The following F2RL1 variants were observed in gnomAD, a reference collection of about 807,000 sequenced individuals.
F2RL1 encodes proteinase-activated receptor 2.
A neutral mutation model predicts 21.7 loss-of-function variants in F2RL1; 16 were observed. The observed-to-expected ratio is 0.74, with a 90% confidence interval of 0.50 to 1.12. The LOEUF is 1.12. Among genes scored for constraint, F2RL1 ranks in the 50% most tolerant of loss-of-function variants. The pLI, the probability that F2RL1 is intolerant of heterozygous loss-of-function variation, is 0.00. For missense variants in F2RL1, 432 were observed against 477.8 expected, an observed-to-expected ratio of 0.90 and a Z score of 0.89; for synonymous variants, 181 against 186.7, an observed-to-expected ratio of 0.97 and a Z score of 0.25.
At position 76,833,168 on chromosome 5, in the gene F2RL1, G is replaced by C. The variant is rs1011311806; in HGVS notation, c.561G>C (p.Lys187Asn). The stretch of plus-strand genomic sequence containing the variant: ...ACCCCATGGGGCACTCCAGGAAGAA[G>C]GCAAACATTGCCATTGGCATCTCCC... The part of the protein sequence containing the change: ...IVNPMGHSRK[K>N]ANIAIGISLA... The change falls in exon 2 of 2, where the codon AAG becomes AAC. Residue 187 changes from lysine to asparagine, a missense_variant. Physicochemically the swap from Lys to Asn is moderately conservative, Grantham distance 94. Transcript: ENST00000296677. 5.0e-6 allele frequency: 8 copies of C among 1,614,196 alleles called. No individual in the cohort carries two copies. Among genetic ancestry groups the C allele is most frequent in the Non-Finnish European group, 6.8e-6 (8 of 1,180,016 alleles).
intron 1 of F2RL1, among the ~76,000 whole-genome samples, chr5:76,821,974 T>G (rs1229645996): frequency 6.6e-6 from 1 of 152,192 alleles, no homozygotes; most frequent in Non-Finnish European, 1.5e-5. Flanking sequence ...TAAATCACCC[T>G]GAACTTCAGT....
intron 1 of F2RL1, 105 bp downstream of exon 1, chr5:76,819,369 G>A: frequency 1.1e-6 from 1 of 950,666 alleles, no homozygotes; most frequent in Non-Finnish European, 1.5e-6. Context: ...CTGTTCTGCT[G>A]CCGGCACCCA....
At chr5:76,827,877 G>A (rs545437051) in intron 1 of F2RL1, among the ~76,000 whole-genome samples, 19 of 152,130 alleles carry the variant, frequency 1.2e-4, no homozygotes, top group Non-Finnish European at 2.1e-4. Flanking sequence ...GATTACAGGC[G>A]TGAGCCACTG....
chr5:76,828,637 C>T (rs1750289407), intron 1 of F2RL1, among the ~76,000 whole-genome samples: 1 of 148,774 alleles, frequency 6.7e-6, no homozygotes, highest in African/African-American at 2.5e-5. Context: ...AGGTGTGCGC[C>T]ACCATGCCTG....
At chr5:76,821,236 C>G (rs1206648210) in intron 1 of F2RL1, among the ~76,000 whole-genome samples, 1 of 152,156 alleles carries the variant, frequency 6.6e-6, no homozygotes, top group Non-Finnish European at 1.5e-5. Flanking sequence ...CTTCTCTTTC[C>G]CTTTACAATA....
At chr5:76,824,893 T>TA (rs1193030880) in intron 1 of F2RL1, among the ~76,000 whole-genome samples, 2 of 151,892 alleles carry the variant, frequency 1.3e-5, no homozygotes, top group African/African-American at 2.4e-5. Context: ...AGGTGTAAAA[T>TA]AAAAAGAAAA....
rs532410389 is a variant in F2RL1, at chr5:76,823,145, G to T, written c.82+3881G>T. ...CTTGGGAGGCTGAGGCAGGAGAATGGCGTGAACCCGGGAGGTCGAGCTTGC... is the reference window on the plus strand; with the variant it reads ...CTTGGGAGGCTGAGGCAGGAGAATGTCGTGAACCCGGGAGGTCGAGCTTGC... On this transcript the variant is annotated intron_variant, in intron 1 of 1. Transcript: ENST00000296677. Among the ~76,000 whole-genome samples, 823 of 151,870 alleles carry T rather than the reference G, an allele frequency of 5.4e-3. 15 individuals carry two copies. In the Middle Eastern group the frequency reaches 0.054, roughly 10 times the overall value.
chr5:76,823,229 C>CAACA (rs1750174393), intron 1 of F2RL1, among the ~76,000 whole-genome samples: 1 of 138,940 alleles, frequency 7.2e-6, no homozygotes, highest in Non-Finnish European at 1.6e-5. Context: ...GACTCAGTCT[C>CAACA]AAAAAAAAAA....
chr5:76,833,873 G>C lies in F2RL1; in HGVS notation c.*72G>C. 6 of 1,492,344 alleles carry C rather than the reference G, an allele frequency of 4.0e-6. No homozygotes were observed. The South Asian group carries it at 7.8e-5, about 19-fold the overall frequency. The allele number at this position is 1,492,344 out of a possible 1,614,324, so 92.4% of individuals were successfully genotyped here. ...TGTTTAATGTTATGAGGACGTGTCT[G>C]TTATTTCCTAATCAAAAAGGTCTCA... On this transcript the variant is annotated 3_prime_UTR_variant, in exon 2 of 2. Transcript: ENST00000296677.
intron 1 of F2RL1, among the ~76,000 whole-genome samples, chr5:76,821,464 A>G (rs1750134863): frequency 2.0e-5 from 3 of 151,732 alleles, no homozygotes; most frequent in Admixed American, 2.0e-4. Flanking sequence ...TCTCTCTGCC[A>G]CTTACTTATT....
chr5:76,829,733 C>T (rs187962833), intron 1 of F2RL1, among the ~76,000 whole-genome samples: 61 of 152,090 alleles, frequency 4.0e-4, no homozygotes, highest in Non-Finnish European at 3.4e-4. Flanking sequence ...GAATAGAATA[C>T]AATAGAAAGT....
At position 76,826,022 on chromosome 5, in the gene F2RL1, TTA is replaced by T. The variant is rs1157625112; in HGVS notation, c.83-6665_83-6664del. Among the ~76,000 whole-genome samples the T allele has an allele frequency of 2.6e-5, 4 of 152,180 alleles. No homozygotes were observed. In the East Asian group the frequency reaches 5.8e-4, roughly 22 times the overall value. On this transcript the variant is annotated intron_variant, in intron 1 of 1. Transcript: ENST00000296677. ...ATTTTAATCTTATAGAAATATACTATTATAGTGAATTAAGTGTATCCACCACT... is the reference window on the plus strand; with the variant it reads ...ATTTTAATCTTATAGAAATATACTATTAGTGAATTAAGTGTATCCACCACT...
intron 1 of F2RL1, 106 bp downstream of exon 1, chr5:76,819,370 C>A: frequency 1.1e-6 from 1 of 940,234 alleles, no homozygotes; most frequent in Non-Finnish European, 1.6e-6. Context: ...TGTTCTGCTG[C>A]CGGCACCCAT....
intron 1 of F2RL1, among the ~76,000 whole-genome samples, chr5:76,821,170 A>G (rs1402796939): frequency 6.6e-6 from 1 of 152,238 alleles, no homozygotes; most frequent in Non-Finnish European, 1.5e-5. Flanking sequence ...CTCAGGGTAC[A>G]GGTGAAGGAC....
At chr5:76,822,113 A>ATTATATATTGACATGATAT (rs1167907888) in intron 1 of F2RL1, among the ~76,000 whole-genome samples, 4 of 152,232 alleles carry the variant, frequency 2.6e-5, no homozygotes, top group Non-Finnish European at 5.9e-5. Context: ...TAAGCACATC[A>ATTATATATTGACATGATAT]GTATCATGTC....
At chr5:76,822,806 A>G (rs1750162694) in intron 1 of F2RL1, among the ~76,000 whole-genome samples, 1 of 152,132 alleles carries the variant, frequency 6.6e-6, no homozygotes, top group Non-Finnish European at 1.5e-5. Context: ...AAAAAAGGAC[A>G]TTTGGGGTGA....
At chr5:76,827,041 G>C (rs1007141676) in intron 1 of F2RL1, among the ~76,000 whole-genome samples, 1 of 151,708 alleles carries the variant, frequency 6.6e-6, no homozygotes, top group African/African-American at 2.4e-5. Context: ...TGTAGAGATG[G>C]GGTTCTGCTC....
At chr5:76,823,386 TTTGAGATG>T (rs1750178977) in intron 1 of F2RL1, among the ~76,000 whole-genome samples, 1 of 150,146 alleles carries the variant, frequency 6.7e-6, no homozygotes, top group East Asian at 1.9e-4. Context: ...TTTTTTTTTT[TTTGAGATG>T]GAGTCTCGCT....
intron 1 of F2RL1, among the ~76,000 whole-genome samples, chr5:76,828,635 G>T (rs909759945): frequency 1.3e-5 from 2 of 148,870 alleles, no homozygotes; most frequent in South Asian, 4.4e-4. Context: ...ACAGGTGTGC[G>T]CCACCATGCC....
Sources: gnomAD v4.1 joint callset for allele counts (sites outside exome capture counted in the v4.1 genomes callset) on GRCh38, gnomAD v4.1.1 for gene constraint, MANE v1.5 for transcripts, NCBI Gene and HGNC (gene_info 2026-07-23, HGNC 2026-07-21) for gene names.